KIAA0319L: variants seen among roughly 807,000 people sequenced by gnomAD.
The protein encoded by KIAA0319L is dyslexia-associated protein KIAA0319-like protein.
Under a neutral mutation model 120.1 loss-of-function variants are expected in KIAA0319L, and 55 were observed. The observed-to-expected ratio is 0.46, with a 90% confidence interval of 0.37 to 0.57. The LOEUF (loss-of-function observed/expected upper bound fraction) is 0.57, where lower values mean the gene tolerates loss of function less well. Among genes scored for constraint, KIAA0319L ranks in the 20% least tolerant of loss-of-function variants. The pLI is 0.00. For missense variants in KIAA0319L, 1,049 were observed against 1,255.3 expected, an observed-to-expected ratio of 0.84 and a Z score of 2.48; for synonymous variants, 398 against 471.9, an observed-to-expected ratio of 0.84 and a Z score of 2.03.
At chr1:35,488,693 C>A (rs757886596) in intron 3 of KIAA0319L, among the ~76,000 whole-genome samples, 1 of 152,156 alleles carries the variant, frequency 6.6e-6, no homozygotes, top group Non-Finnish European at 1.5e-5. Context: ...AAGAAGGAAT[C>A]ATCAGGAAGA....
chr1:35,544,127 G>C (rs762838836), intron 2 of KIAA0319L, among the ~76,000 whole-genome samples: 6 of 152,098 alleles, frequency 3.9e-5, no homozygotes, highest in Non-Finnish European at 8.8e-5. Context: ...TAGCACTTTG[G>C]GGGGCCAAGG....
chr1:35,442,373 G>C, intron 18 of KIAA0319L, 37 bp from the exon 19 acceptor site: 4 of 1,513,668 alleles, frequency 2.6e-6, no homozygotes, highest in Non-Finnish European at 3.7e-6. Flanking sequence ...GCTGTGGAGG[G>C]AGAGGCTGGG....
chr1:35,516,150 A>C (rs1314771673), intron 2 of KIAA0319L, among the ~76,000 whole-genome samples: 1 of 152,190 alleles, frequency 6.6e-6, no homozygotes, highest in Non-Finnish European at 1.5e-5. Context: ...CTTCCTACTA[A>C]AACTATTCCA....
chr1:35,542,729 A>G (rs762891338), intron 2 of KIAA0319L, among the ~76,000 whole-genome samples: 24 of 152,214 alleles, frequency 1.6e-4, no homozygotes, highest in Non-Finnish European at 2.5e-4. Flanking sequence ...TGCCAGTTTC[A>G]CACAATGCCT....
chr1:35,438,541 T>G (rs966397591), intron 20 of KIAA0319L: 2 of 140,072 alleles, frequency 1.4e-5, no homozygotes, highest in African/African-American at 5.7e-5. Context: ...TTTTTTTTTT[T>G]GAGACAGAGT....
chr1:35,516,190 A>G (rs555778068), intron 2 of KIAA0319L, among the ~76,000 whole-genome samples: 1 of 152,228 alleles, frequency 6.6e-6, no homozygotes, highest in African/African-American at 2.4e-5. Context: ...CTTCTCCCCA[A>G]CTCAATCCAT....
At chr1:35,484,767 C>CATAT (rs56318513) in intron 3 of KIAA0319L, among the ~76,000 whole-genome samples, 49 of 51,492 alleles carry the variant, frequency 9.5e-4, no homozygotes, top group East Asian at 5.7e-3. Context: ...AGTTTTTAAT[C>CATAT]ATATATATAT....
intron 3 of KIAA0319L, among the ~76,000 whole-genome samples, chr1:35,479,644 G>A (rs554218419): frequency 2.0e-5 from 3 of 152,130 alleles, no homozygotes; most frequent in South Asian, 2.1e-4. Context: ...GGTGGCTCAC[G>A]CCTGTACTCC....
Position 35,516,197 on chromosome 1 carries a change from C to T in KIAA0319L, c.143-9062G>A, listed in dbSNP as rs148916825. Among the ~76,000 whole-genome samples, 977 of 152,230 alleles carry T rather than the reference C, an allele frequency of 6.4e-3. 16 individuals are homozygous for T. Among genetic ancestry groups the T allele is most frequent in the African/African-American group, 0.018 (767 of 41,528 alleles). On this transcript the variant is annotated intron_variant, in intron 2 of 20. Transcript: ENST00000325722. ...AGGAGGAACTTCTCCCCAACTCAATCCATGAGGCCAGCATCATCCTGATAC... is the reference window on the plus strand; with the variant it reads ...AGGAGGAACTTCTCCCCAACTCAATTCATGAGGCCAGCATCATCCTGATAC...
intron 9 of KIAA0319L, among the ~76,000 whole-genome samples, chr1:35,456,587 G>A (rs566747502): frequency 2.6e-5 from 4 of 152,178 alleles, no homozygotes; most frequent in Non-Finnish European, 4.4e-5. Flanking sequence ...CAAGGCGTGC[G>A]GATCACCTGA....
intron 2 of KIAA0319L, among the ~76,000 whole-genome samples, chr1:35,521,357 G>A (rs572925821): frequency 1.3e-5 from 2 of 151,828 alleles, no homozygotes; most frequent in African/African-American, 2.4e-5. Context: ...AAATAAAGCC[G>A]GGCGCAGTGG....
chr1:35,486,475 T>C (rs1023421106), intron 3 of KIAA0319L, among the ~76,000 whole-genome samples: 1 of 152,120 alleles, frequency 6.6e-6, no homozygotes, highest in Non-Finnish European at 1.5e-5. Context: ...TTAACAATTT[T>C]GCCCAGTTTT....
intron 20 of KIAA0319L, chr1:35,439,366 G>A (rs1269937840): frequency 1.3e-5 from 2 of 152,192 alleles, no homozygotes; most frequent in Admixed American, 1.3e-4. Flanking sequence ...TTGTGAGTTT[G>A]CTTAATGTCT....
intron 11 of KIAA0319L, 31 bp downstream of exon 11, chr1:35,454,331 G>A (rs1339713948): frequency 3.1e-6 from 5 of 1,611,548 alleles, no homozygotes; most frequent in Non-Finnish European, 4.2e-6. Context: ...CCCACCAATA[G>A]AAGAGCCTGA....
At chr1:35,471,108 C>T (rs1157890417) in intron 5 of KIAA0319L, 148 bp from the exon 6 acceptor site, 2 of 616,076 alleles carry the variant, frequency 3.2e-6, no homozygotes, top group African/African-American at 3.7e-5. Context: ...GGAAACCAAA[C>T]CATCTGCTGA....
chr1:35,510,898 G>C (rs558779078), intron 2 of KIAA0319L: 1 of 151,968 alleles, frequency 6.6e-6, no homozygotes, highest in South Asian at 2.1e-4. Flanking sequence ...GTGAGCCACT[G>C]CGCCTGGCTG....
At chr1:35,497,738 C>T (rs771910787) in intron 3 of KIAA0319L, among the ~76,000 whole-genome samples, 5 of 152,124 alleles carry the variant, frequency 3.3e-5, no homozygotes, top group East Asian at 1.9e-4. Context: ...CACCCAAAAG[C>T]GTATTTATAA....
intron 2 of KIAA0319L, among the ~76,000 whole-genome samples, chr1:35,534,114 T>A (rs1646476562): frequency 6.6e-6 from 1 of 152,238 alleles, no homozygotes; most frequent in Non-Finnish European, 1.5e-5. Context: ...GATTGAAAGG[T>A]GGCAGCTGCC....
intron 3 of KIAA0319L, among the ~76,000 whole-genome samples, chr1:35,494,138 A>C (rs923838120): frequency 5.3e-5 from 8 of 152,166 alleles, no homozygotes; most frequent in Non-Finnish European, 1.0e-4. Flanking sequence ...ACAAAGTTTT[A>C]AACATCATCT....
Sources: allele counts gnomAD v4.1 joint callset (sites outside exome capture counted in the v4.1 genomes callset), GRCh38; gene constraint gnomAD v4.1.1; transcripts MANE v1.5; gene names NCBI Gene and HGNC (gene_info 2026-07-23, HGNC 2026-07-21).